CTNNAL1: variants seen among roughly 807,000 people sequenced by gnomAD.
The protein encoded by CTNNAL1 is alpha-catulin.
Under a neutral mutation model 93.6 loss-of-function variants are expected in CTNNAL1, and 69 were observed. The observed-to-expected ratio is 0.74, with a 90% CI of 0.61 to 0.90. The LOEUF is 0.90. Among genes scored for constraint, CTNNAL1 ranks in the 40% least tolerant of loss-of-function variants. CTNNAL1 has a pLI of 0.00. For missense variants in CTNNAL1, 836 were observed against 862.0 expected (o/e 0.97, Z 0.38); for synonymous variants, 286 against 305.4 (o/e 0.94, Z 0.66).
intron 4 of CTNNAL1, among the ~76,000 whole-genome samples, chr9:108,986,527 G>A (rs10979640): frequency 5.3e-5 from 8 of 151,384 alleles, no homozygotes; most frequent in South Asian, 4.2e-4. Flanking sequence ...ATTTATAGTC[G>A]TTTGGGTATA....
rs1028206342 is a variant in CTNNAL1 at position 108,992,178 on chromosome 9, T to C, written c.519+454A>G. ...CTTTTCTTTCCAAATGTTGTACACA[T>C]TTAAAGCTTTTACCAATAAGCCTTA... On this transcript the variant is annotated intron_variant, in intron 3 of 18. Coordinates refer to ENST00000325551, the MANE Select transcript of CTNNAL1 (RefSeq NM_003798.4). The C allele has an allele frequency of 9.8e-6, 6 of 611,110 alleles. No individual in the cohort carries two copies. In the East Asian group the frequency reaches 1.1e-4, roughly 11 times the overall value. The allele number at this position is 611,110 out of a possible 1,614,324, so 37.9% of individuals were successfully genotyped here.
At chr9:108,987,037 A>T (rs1223224752) in intron 4 of CTNNAL1, among the ~76,000 whole-genome samples, 1 of 152,014 alleles carries the variant, frequency 6.6e-6, no homozygotes, top group Non-Finnish European at 1.5e-5. Flanking sequence ...GTTTAATTAG[A>T]TCCCATTTGT....
intron 6 of CTNNAL1, among the ~76,000 whole-genome samples, 185 bp from the exon 7 acceptor site, chr9:108,979,666 C>G (rs986591836): frequency 3.9e-5 from 6 of 152,198 alleles, no homozygotes; most frequent in Admixed American, 3.3e-4. Flanking sequence ...TGCTCAAAAG[C>G]CTTCAATATC....
chr9:109,001,109 T>C (rs1347303266), intron 1 of CTNNAL1, among the ~76,000 whole-genome samples: 1 of 147,768 alleles, frequency 6.8e-6, no homozygotes, highest in Non-Finnish European at 1.5e-5. Context: ...GAGGTGGGTG[T>C]TGCAGTGAGC....
chr9:108,957,597 A>T (rs1276277094), intron 11 of CTNNAL1, among the ~76,000 whole-genome samples: 1 of 152,094 alleles, frequency 6.6e-6, no homozygotes, highest in Non-Finnish European at 1.5e-5. Flanking sequence ...TGGCTTTCTG[A>T]TTTCAGAATG....
At chr9:108,953,496 C>T (rs561623797) in intron 12 of CTNNAL1, among the ~76,000 whole-genome samples, 1 of 150,470 alleles carries the variant, frequency 6.6e-6, no homozygotes, top group East Asian at 2.0e-4. Flanking sequence ...ATTCACATAC[C>T]TGCACACACA....
chr9:108,995,264 T>G (rs1831975467), intron 2 of CTNNAL1, among the ~76,000 whole-genome samples: 1 of 152,206 alleles, frequency 6.6e-6, no homozygotes, highest in Non-Finnish European at 1.5e-5. Flanking sequence ...TTGCATCCTA[T>G]CATTAATAGC....
intron 10 of CTNNAL1, among the ~76,000 whole-genome samples, chr9:108,966,416 T>C (rs1398432206): frequency 2.0e-5 from 3 of 152,254 alleles, no homozygotes; most frequent in Non-Finnish European, 2.9e-5. Flanking sequence ...TGGAGACATA[T>C]GGCCACGAGA....
chr9:108,955,931 T>G (rs967598942), intron 11 of CTNNAL1, 104 bp from the exon 12 acceptor site: 81 of 680,484 alleles, frequency 1.2e-4, no homozygotes, highest in Non-Finnish European at 1.8e-4. Flanking sequence ...GGAATGTTAG[T>G]ACATTAGTTT....
intron 2 of CTNNAL1, among the ~76,000 whole-genome samples, chr9:108,996,798 T>C (rs1414000101): frequency 6.6e-6 from 1 of 152,186 alleles, no homozygotes; most frequent in Non-Finnish European, 1.5e-5. Flanking sequence ...TCTGTTGAAT[T>C]GTCCATTATG....
At chr9:108,960,510 C>T (rs139936799) in intron 11 of CTNNAL1, among the ~76,000 whole-genome samples, 77 of 152,212 alleles carry the variant, frequency 5.1e-4, no homozygotes, top group African/African-American at 1.7e-3. Context: ...TGAAATAGGG[C>T]TGCCAGGAAA....
chr9:108,951,497 G>C (rs1830565189), intron 14 of CTNNAL1, among the ~76,000 whole-genome samples: 1 of 152,050 alleles, frequency 6.6e-6, no homozygotes, highest in Non-Finnish European at 1.5e-5. Flanking sequence ...GTATTTCCCA[G>C]GTTTCCAAAA....
At chr9:108,949,294 C>T (rs1450943761) in intron 14 of CTNNAL1, among the ~76,000 whole-genome samples, 2 of 152,186 alleles carry the variant, frequency 1.3e-5, no homozygotes, top group African/African-American at 2.4e-5. Context: ...AGTGCAACCC[C>T]TCATGTTTCC....
intron 10 of CTNNAL1, among the ~76,000 whole-genome samples, chr9:108,969,422 C>A (rs1014881501): frequency 2.6e-5 from 4 of 151,980 alleles, no homozygotes; most frequent in African/African-American, 9.7e-5. Context: ...CAGAAAAAAA[C>A]CCTAGCTAAA....
At chr9:108,997,738 A>T (rs893298642) in intron 2 of CTNNAL1, among the ~76,000 whole-genome samples, 1 of 152,116 alleles carries the variant, frequency 6.6e-6, no homozygotes, top group Non-Finnish European at 1.5e-5. Context: ...CTCTTCTATC[A>T]CATCCAAACC....
intron 12 of CTNNAL1, among the ~76,000 whole-genome samples, chr9:108,954,326 T>A (rs930852786): frequency 6.6e-6 from 1 of 152,230 alleles, no homozygotes; most frequent in Non-Finnish European, 1.5e-5. Flanking sequence ...TTAGCTATGC[T>A]ATCCCTCAAC....
At chr9:108,952,593 A>G (rs1414200761) in intron 12 of CTNNAL1, 99 bp from the exon 13 acceptor site, 3 of 1,442,358 alleles carry the variant, frequency 2.1e-6, no homozygotes, top group Non-Finnish European at 2.8e-6. Flanking sequence ...ACTTGTAACA[A>G]AAGTTTAAAA....
intron 9 of CTNNAL1, among the ~76,000 whole-genome samples, chr9:108,972,268 C>T (rs1831134579): frequency 6.6e-6 from 1 of 152,156 alleles, no homozygotes; most frequent in South Asian, 2.1e-4. Context: ...GTATGGTTTC[C>T]CCCATGCCCT....
intron 10 of CTNNAL1, among the ~76,000 whole-genome samples, chr9:108,968,643 T>C (rs1429060348): frequency 6.6e-6 from 1 of 152,220 alleles, no homozygotes; most frequent in East Asian, 1.9e-4. Context: ...CAGATAATCA[T>C]TGTGGAGGTT....
Sources: allele counts gnomAD v4.1 joint callset (sites outside exome capture counted in the v4.1 genomes callset), GRCh38; gene constraint gnomAD v4.1.1; transcripts MANE v1.5; gene names NCBI Gene and HGNC (gene_info 2026-07-23, HGNC 2026-07-21).